Variants in RBFOX1 observed in about 807,000 individuals in gnomAD.
RBFOX1 encodes the protein RNA binding fox-1 homolog 1, also known as RNA binding protein fox-1 homolog 1.
In RBFOX1, 8 loss-of-function variants were observed where a neutral mutation model predicts 57.7. The observed-to-expected ratio is 0.14, with a 90% confidence interval of 0.08 to 0.25. The LOEUF is 0.25. Among genes scored for constraint, RBFOX1 ranks in the 10% least tolerant of loss-of-function variants. RBFOX1 has a pLI of 1.00. For synonymous variants in RBFOX1, 326 were observed against 222.4 expected, an observed-to-expected ratio of 1.47 and a Z score of -4.15; for missense variants, 611 against 548.5, an observed-to-expected ratio of 1.11 and a Z score of -1.14.
chr16:6,193,482 G>T (rs1290743811), intron 1 of RBFOX1, among the ~76,000 whole-genome samples: 1 of 142,554 alleles, frequency 7.0e-6, no homozygotes, highest in East Asian at 2.0e-4. Flanking sequence ...GAGTTGGATA[G>T]ACATTATCAT....
chr16:7,571,175 T>A (rs369453513), intron 5 of RBFOX1, among the ~76,000 whole-genome samples: 1 of 151,814 alleles, frequency 6.6e-6, no homozygotes, highest in Non-Finnish European at 1.5e-5. Context: ...CGTTTACTTA[T>A]GTAACAAACC....
intron 3 of RBFOX1, among the ~76,000 whole-genome samples, chr16:6,682,724 T>TG (rs1421379683): frequency 6.6e-6 from 1 of 152,034 alleles, no homozygotes; most frequent in East Asian, 1.9e-4. Context: ...TTGACGATCA[T>TG]GGTGTGAGAC....
In RBFOX1 at chr16:6,257,962, A is replaced by T. The variant is rs550606980; in HGVS notation, c.-126-59033A>T. Among the ~76,000 whole-genome samples the T allele has an allele frequency of 3.7e-4, 56 of 152,204 alleles. No homozygotes were observed. The South Asian group carries it at 5.0e-3, about 14-fold the overall frequency. ...CCCAGTAATGGGATTGCTGAGTCAG[A>T]TGGTAGTTCTCTTTTTTGGTCTTTG... On this transcript the variant is annotated intron_variant, in intron 1 of 15. Coordinates refer to ENST00000550418, the MANE Select transcript of RBFOX1 (RefSeq NM_018723.4).
intron 2 of RBFOX1, among the ~76,000 whole-genome samples, chr16:6,469,635 G>A (rs989160161): frequency 6.6e-6 from 1 of 152,184 alleles, no homozygotes; most frequent in African/African-American, 2.4e-5. Flanking sequence ...ATAGCCGGTG[G>A]AATCACTGGC....
chr16:5,323,608 G>T (rs1404690240), intron 1 of RBFOX1, among the ~76,000 whole-genome samples: 1 of 152,244 alleles, frequency 6.6e-6, no homozygotes, highest in Admixed American at 6.5e-5. Flanking sequence ...GACTTTTAAA[G>T]CAATAGCTTC....
At chr16:7,325,939 T>A (rs1219505069) in intron 4 of RBFOX1, among the ~76,000 whole-genome samples, 2 of 152,194 alleles carry the variant, frequency 1.3e-5, no homozygotes, top group Non-Finnish European at 2.9e-5. Flanking sequence ...TGTCTGGCAG[T>A]GAGTGTCATT....
chr16:7,279,034 G>T (rs1366737323), intron 4 of RBFOX1, among the ~76,000 whole-genome samples: 1 of 150,488 alleles, frequency 6.6e-6, no homozygotes, highest in African/African-American at 2.4e-5. Context: ...GATGACGGAT[G>T]GATAAAAAGT....
At chr16:7,336,976 G>A (rs891962198) in intron 4 of RBFOX1, among the ~76,000 whole-genome samples, 6 of 152,208 alleles carry the variant, frequency 3.9e-5, no homozygotes, top group Admixed American at 1.3e-4. Flanking sequence ...CCTAGACCCT[G>A]CTGAGGGCTT....
At chr16:5,709,154 A>G (rs779584165) in intron 3 of RBFOX1, among the ~76,000 whole-genome samples, 4 of 152,204 alleles carry the variant, frequency 2.6e-5, no homozygotes, top group Non-Finnish European at 2.9e-5. Context: ...TGATGAATAC[A>G]GCATCTGTGG....
intron 4 of RBFOX1, among the ~76,000 whole-genome samples, chr16:7,450,789 T>G (rs755766973): frequency 6.6e-6 from 1 of 152,044 alleles, no homozygotes; most frequent in Non-Finnish European, 1.5e-5. Flanking sequence ...CCAGTAGACA[T>G]TGAAGAGGCT....
At position 6,431,896 on chromosome 16, in the gene RBFOX1, G is replaced by GTTTTCTTTCTTTCTTTCTTT. The variant is rs1555469937; in HGVS notation, c.-64+114839_-64+114840insTTTTCTTTCTTTCTTTCTTT. 6.2e-5 allele frequency among the ~76,000 whole-genome samples: 8 copies of GTTTTCTTTCTTTCTTTCTTT among 128,120 alleles called. 1 individual carries two copies. Among genetic ancestry groups the GTTTTCTTTCTTTCTTTCTTT allele is most frequent in the African/African-American group, 2.2e-4 (7 of 32,094 alleles). The allele number at this position is 128,120 out of a possible 152,430, so 84.1% of individuals were successfully genotyped here. ...TGTCCAGAAATATGCTTGCTTGCTT[G>GTTTTCTTTCTTTCTTTCTTT]CTTTCTTTCTTTCTTTCTTTCTTTC... On this transcript the variant is annotated intron_variant, in intron 2 of 15. Transcript: ENST00000550418.
intron 3 of RBFOX1, among the ~76,000 whole-genome samples, chr16:5,720,113 C>A (rs925694071): frequency 3.3e-5 from 5 of 152,102 alleles, no homozygotes; most frequent in Non-Finnish European, 5.9e-5. Context: ...TTCTGGCCAT[C>A]TTAGTGAGTG....
At chr16:6,652,016 T>C (rs765058318) in intron 2 of RBFOX1, among the ~76,000 whole-genome samples, 1 of 152,224 alleles carries the variant, frequency 6.6e-6, no homozygotes, top group African/African-American at 2.4e-5. Flanking sequence ...AAGTCCTCAA[T>C]TGTATAACTG....
intron 3 of RBFOX1, among the ~76,000 whole-genome samples, chr16:6,672,705 T>G (rs2098774402): frequency 6.6e-6 from 1 of 152,156 alleles, no homozygotes; most frequent in Non-Finnish European, 1.5e-5. Flanking sequence ...TTTTCTGCTT[T>G]TCTTGGGTTT....
intron 4 of RBFOX1, among the ~76,000 whole-genome samples, chr16:7,122,650 A>C (rs906699123): frequency 4.6e-5 from 7 of 152,142 alleles, no homozygotes; most frequent in African/African-American, 1.4e-4. Flanking sequence ...ACATTCTTAA[A>C]ACATTTTGAC....
chr16:6,640,813 C>T lies in RBFOX1; in HGVS notation c.-63-13790C>T, dbSNP rs1555640871. ...CTTGAACCAGAATACGTTCTCTGGG[C>T]CTCTCTGACTAGTCCCTGTCATGTT... On this transcript the variant is annotated intron_variant, in intron 2 of 15. Coordinates refer to ENST00000550418, the MANE Select transcript of RBFOX1 (RefSeq NM_018723.4). 2.6e-5 allele frequency among the ~76,000 whole-genome samples: 4 copies of T among 152,160 alleles called. No homozygotes were observed. In the East Asian group the frequency reaches 5.8e-4, roughly 22 times the overall value.
At chr16:6,923,978 T>C (rs2075034899) in intron 3 of RBFOX1, among the ~76,000 whole-genome samples, 1 of 152,046 alleles carries the variant, frequency 6.6e-6, no homozygotes, top group Non-Finnish European at 1.5e-5. Flanking sequence ...GAGACCATCC[T>C]GGCCAACATG....
chr16:7,562,499 TG>T (rs2090635732), intron 5 of RBFOX1, among the ~76,000 whole-genome samples: 1 of 152,094 alleles, frequency 6.6e-6, no homozygotes, highest in Admixed American at 6.5e-5. Context: ...TGGGCAACTA[TG>T]GAGAATGACA....
chr16:7,672,564 C>T (rs971962551), intron 13 of RBFOX1, among the ~76,000 whole-genome samples: 1 of 151,984 alleles, frequency 6.6e-6, no homozygotes, highest in Admixed American at 6.6e-5. Context: ...TGCCACCCTT[C>T]AAAAATAGAT....
Sources: allele counts gnomAD v4.1 joint callset (sites outside exome capture counted in the v4.1 genomes callset), GRCh38; gene constraint gnomAD v4.1.1; transcripts MANE v1.5; gene names NCBI Gene and HGNC (gene_info 2026-07-23, HGNC 2026-07-21).